The following GRINA variants were observed in gnomAD, a reference collection of about 807,000 sequenced individuals.
The protein encoded by GRINA is glutamate ionotropic receptor NMDA type subunit associated protein 1, also known as protein lifeguard 1.
A neutral mutation model predicts 42.5 loss-of-function variants in GRINA; 26 were observed. The observed-to-expected ratio is 0.61, with a 90% CI of 0.45 to 0.85. The LOEUF (loss-of-function observed/expected upper bound fraction) is 0.85. Ranked by LOEUF, GRINA falls within the 40% of genes least tolerant of loss-of-function variation. The probability of loss-of-function intolerance (pLI) is 0.00; values close to 1 mark genes in which losing one functional copy is unlikely to be tolerated. For synonymous variants in GRINA, 256 were observed against 204.2 expected (o/e 1.25, Z -2.17); for missense variants, 475 against 481.5 (o/e 0.99, Z 0.13).
At chr8:143,992,167 T>C (rs1554750639) in intron 4 of GRINA, 78 bp from the exon 5 acceptor site, 1 of 1,602,050 alleles carries the variant, frequency 6.2e-7, no homozygotes, top group African/African-American at 1.3e-5. Flanking sequence ...GTGGTTCTCC[T>C]TGTGCTCATG....
At position 143,991,504 on chromosome 8, in the gene GRINA, AC is replaced by A; in HGVS notation, c.286del (p.Gln96LysfsTer72). 1 of 1,537,504 alleles carries A rather than the reference AC, an allele frequency of 6.5e-7. No individual in the cohort carries two copies. Among genetic ancestry groups the A allele is most frequent in the Non-Finnish European group, 8.7e-7 (1 of 1,146,628 alleles). On this transcript the variant is annotated frameshift_variant, in exon 2 of 7. Coordinates refer to ENST00000395068, the MANE Select transcript of GRINA (RefSeq NM_001009184.2). LOFTEE classifies it high-confidence loss of function. ...YPQEGYPQGP[Y>X]PQGGYPQGPY... Reference sequence around the variant, plus strand: ...CAAGAGGGCTACCCACAGGGCCCCTACCCCCAAGGGGGCTACCCCCAGGGGC... The same window carrying A: ...CAAGAGGGCTACCCACAGGGCCCCTACCCCAAGGGGGCTACCCCCAGGGGC...
chr8:143,991,370 C>A lies in GRINA; in HGVS notation c.147C>A (p.Pro49=). The A allele has an allele frequency of 1.6e-6, 2 of 1,219,574 alleles. No individual in the cohort carries two copies. Among genetic ancestry groups the A allele is most frequent in the Non-Finnish European group, 2.3e-6 (2 of 874,590 alleles). The allele number at this position is 1,219,574 out of a possible 1,614,324, so 75.5% of individuals were successfully genotyped here. A position where few individuals can be genotyped will look rare whatever the true frequency, so the allele number is the denominator to read the frequency against. The change falls in exon 2 of 7, where the codon CCC becomes CCA. Residue 49 remains proline, a synonymous_variant. Transcript: ENST00000395068. ...CTTACCCACAGCCCCCTTTCCAGCC[C>A]TCCCCCTACGGTCAGCCAGGGTACC... is the stretch of plus-strand genomic sequence containing the variant. ...GAPYPQPPFQ[P]SPYGQPGYPH...
In GRINA at chr8:143,991,595, C is replaced by T. The variant is rs374773416; in HGVS notation, c.372C>T (p.Asp124=). 5.0e-6 allele frequency: 8 copies of T among 1,604,674 alleles called. No homozygotes were observed. The highest frequency in any genetic ancestry group is 6.8e-6 in the Non-Finnish European group (8 of 1,173,248). The change falls in exon 2 of 7, where the codon GAC becomes GAT. Residue 124 remains aspartate, a synonymous_variant. Transcript: ENST00000395068. ...YGQPQVFPGQ[D]PDSPQHGNYQ... ...AGCCACAGGTCTTCCCAGGACAAGA[C>T]CCTGACTGTGAGTCTCAGGAAGGGA...
In GRINA at chr8:143,992,013, T is replaced by C. The variant is rs782052873; in HGVS notation, c.628T>C (p.Ser210Pro). 3 of 1,613,880 alleles carry C rather than the reference T, an allele frequency of 1.9e-6. No individual in the cohort carries two copies. The highest frequency in any genetic ancestry group is 2.5e-6 in the Non-Finnish European group (3 of 1,179,908). Residue 210 changes from serine (S) to proline (P), a missense_variant, in exon 4 of 7, where the codon TCT (serine) becomes CCT (proline). By Grantham distance (74) the Ser-to-Pro change is moderately conservative. Around this residue, in one of 2 missense-constraint regions of GRINA, gnomAD observed 321 missense variants for 267.2 expected, o/e 1.20. Coordinates refer to ENST00000395068, the MANE Select transcript of GRINA (RefSeq NM_001009184.2). ...YYVSYAVFFISLIVLSCCGDF... is the reference protein window; with the variant it reads ...YYVSYAVFFIPLIVLSCCGDF... ...TGTCTCCTATGCTGTCTTCTTCATC[T>C]CTCTCATCGTCCTCAGCTGTTGTGG...
chr8:143,991,183 T>C lies in GRINA; in HGVS notation c.-24-17T>C, dbSNP rs782222565. 2.0e-6 allele frequency: 3 copies of C among 1,480,588 alleles called. No individual in the cohort carries two copies. The highest frequency in any genetic ancestry group is 1.8e-6 in the Non-Finnish European group (2 of 1,102,680). 91.7% of individuals were successfully genotyped at this position (1,480,588 alleles called of 1,614,324 possible). On this transcript the variant is annotated splice_polypyrimidine_tract_variant and intron_variant, in intron 1 of 6. Coordinates refer to ENST00000395068, the MANE Select transcript of GRINA (RefSeq NM_001009184.2). ...GTCAAGCCAACTGTTCCACTGTTCC[T>C]TGTCTGTCTTCTCTAGGGGCGGACC...
At position 143,991,230 on chromosome 8, in the gene GRINA, C is replaced by T. The variant is rs372546355; in HGVS notation, c.7C>T (p.His3Tyr). 1.9e-6 allele frequency: 3 copies of T among 1,579,010 alleles called. No homozygotes were observed. The African/African-American group carries it at 4.1e-5, about 22-fold the overall frequency. Reference sequence around the variant, plus strand: ...GACCGCGGAACCCGAGGCCATGTCCCATGAAAAGAGTTTTTTGGTGTCTGG... The same window carrying T: ...GACCGCGGAACCCGAGGCCATGTCCTATGAAAAGAGTTTTTTGGTGTCTGG... MS[H>Y]EKSFLVSGDN... is the part of the protein sequence containing the mutation. Residue 3 changes from histidine to tyrosine, a missense_variant, in exon 2 of 7, where the codon CAT becomes TAT. Around this residue, in one of 2 missense-constraint regions of GRINA, gnomAD observed 321 missense variants for 267.2 expected, o/e 1.20. Transcript: ENST00000395068.
chr8:143,991,120 G>A, intron 1 of GRINA, 80 bp from the exon 2 acceptor site: 1 of 715,574 alleles, frequency 1.4e-6, no homozygotes. Flanking sequence ...GTTCCCAGAA[G>A]CAGGTGGAGT....
chr8:143,991,456 G>A lies in GRINA; in HGVS notation c.233G>A (p.Gly78Asp), dbSNP rs1180204596. ...GYPQGPYPQG[G>D]YPQGPYPQEG... ...CCACAGGGTCCCTACCCCCAAGGGG[G>A]CTACCCACAGGGCCCCTACCCACAA... The change falls in exon 2 of 7, where the codon GGC becomes GAC. Residue 78 changes from glycine to aspartate, a missense_variant. Transcript: ENST00000395068. 6.7e-7 allele frequency: 1 copy of A among 1,485,842 alleles called. No homozygotes were observed. The highest frequency in any genetic ancestry group is 1.3e-5 in the South Asian group (1 of 74,306). 92.0% of individuals were successfully genotyped at this position (1,485,842 alleles called of 1,614,324 possible).
chr8:143,991,004 C>T, intron 1 of GRINA, 196 bp from the exon 2 acceptor site: 1 of 397,910 alleles, frequency 2.5e-6, no homozygotes, highest in Non-Finnish European at 4.5e-6. Flanking sequence ...CCTGGGAAGG[C>T]CCCACGGCGC....
Position 143,992,608 on chromosome 8 carries a change from C to T in GRINA, c.966C>T (p.Cys322=), listed in dbSNP as rs1564258331. The T allele has an allele frequency of 9.9e-6, 16 of 1,614,132 alleles. No individual in the cohort carries two copies. Among genetic ancestry groups the T allele is most frequent in the South Asian group, 2.2e-5 (2 of 91,084 alleles). The change falls in exon 6 of 7, where the codon TGC becomes TGT. Residue 322 remains cysteine, a splice_region_variant and synonymous_variant. Coordinates refer to ENST00000395068, the MANE Select transcript of GRINA (RefSeq NM_001009184.2). The part of the protein sequence containing the change: ...YASLGALLFT[C]FLAVDTQLLL... ...CACTGGGCGCTCTGCTCTTCACCTG[C>T]GTGAGTGAGGGGTGACCTTGGCCGG...
rs990062071 is a variant in GRINA, at chr8:143,993,016, C to G, written c.*175C>G. ...CACTGCAGATACTTCCATTTGGACC[C>G]GCTGTGGCCACAGCATGGCCCCTTT... On this transcript the variant is annotated 3_prime_UTR_variant, in exon 7 of 7. Coordinates refer to ENST00000395068, the MANE Select transcript of GRINA (RefSeq NM_001009184.2). 8.1e-6 allele frequency: 5 copies of G among 614,746 alleles called. No individual in the cohort carries two copies. Among genetic ancestry groups the G allele is most frequent in the Non-Finnish European group, 8.5e-6 (3 of 353,224 alleles). 38.1% of individuals were successfully genotyped at this position (614,746 alleles called of 1,614,324 possible). A position where few individuals can be genotyped will look rare whatever the true frequency, so the allele number is the denominator to read the frequency against.
At position 143,992,269 on chromosome 8, in the gene GRINA, T is replaced by C; in HGVS notation, c.718T>C (p.Tyr240His). 1 of 1,600,580 alleles carries C rather than the reference T, an allele frequency of 6.2e-7. No individual in the cohort carries two copies. Among genetic ancestry groups the C allele is most frequent in the Non-Finnish European group, 8.5e-7 (1 of 1,172,018 alleles). Residue 240 changes from tyrosine to histidine, a missense_variant, in exon 5 of 7, where the codon TAC becomes CAC. Transcript: ENST00000395068. ...GTCGGTCCTGACCGCCAGCCTGTCG[T>C]ACATGGTGGGGATGATCGCCAGCTT... ...ALSVLTASLS[Y>H]MVGMIASFYN...
At position 143,991,296 on chromosome 8, in the gene GRINA, C is replaced by A; in HGVS notation, c.73C>A (p.Pro25Thr). 7.0e-7 allele frequency: 1 copy of A among 1,429,600 alleles called. No individual in the cohort carries two copies. The highest frequency in any genetic ancestry group is 9.5e-7 in the Non-Finnish European group (1 of 1,052,174). The allele number at this position is 1,429,600 out of a possible 1,614,324, so 88.6% of individuals were successfully genotyped here. A position where few individuals can be genotyped will look rare whatever the true frequency, so the allele number is the denominator to read the frequency against. The change falls in exon 2 of 7, where the codon CCC becomes ACC. Residue 25 changes from proline to threonine, a missense_variant. By Grantham distance (38) the Pro-to-Thr change is conservative. Around this residue, in one of 2 missense-constraint regions of GRINA, gnomAD observed 321 missense variants for 267.2 expected, o/e 1.20. Transcript: ENST00000395068. ...PPPNPGYPGG[P>T]QPPMPPYAQP... Reference sequence around the variant, plus strand: ...CCCCAACCCTGGATATCCGGGGGGGCCCCAGCCACCCATGCCCCCCTATGC... The same window carrying A: ...CCCCAACCCTGGATATCCGGGGGGGACCCAGCCACCCATGCCCCCCTATGC...
rs782051621 is a variant in GRINA at position 143,991,294 on chromosome 8, G to A, written c.71G>A (p.Gly24Glu). Residue 24 changes from glycine (G) to glutamate (E), a missense_variant, in exon 2 of 7, where the codon GGG (glycine) becomes GAG (glutamate). Around this residue, in one of 2 missense-constraint regions of GRINA, gnomAD observed 321 missense variants for 267.2 expected, o/e 1.20. Coordinates refer to ENST00000395068, the MANE Select transcript of GRINA (RefSeq NM_001009184.2). ...CCCCCCAACCCTGGATATCCGGGGG[G>A]GCCCCAGCCACCCATGCCCCCCTAT... ...YPPPNPGYPG[G>E]PQPPMPPYAQ... 7 of 1,477,558 alleles carry A rather than the reference G, an allele frequency of 4.7e-6. No homozygotes were observed. In the Admixed American group the frequency reaches 8.8e-5, roughly 18 times the overall value. The allele number at this position is 1,477,558 out of a possible 1,614,324, so 91.5% of individuals were successfully genotyped here. A position where few individuals can be genotyped will look rare whatever the true frequency, so the allele number is the denominator to read the frequency against.
At position 143,991,437 on chromosome 8, in the gene GRINA, G is replaced by A. The variant is rs992349130; in HGVS notation, c.214G>A (p.Gly72Ser). The change falls in exon 2 of 7, where the codon GGT becomes AGT. Residue 72 changes from glycine (G) to serine (S), a missense_variant. Gly to Ser is a moderately conservative substitution (Grantham distance 56). Coordinates refer to ENST00000395068, the MANE Select transcript of GRINA (RefSeq NM_001009184.2). ...CTACCCCCAAGGGGGCTACCCACAG[G>A]GTCCCTACCCCCAAGGGGGCTACCC... ...SPYPQGGYPQ[G>S]PYPQGGYPQG... 1 of 1,453,140 alleles carries A rather than the reference G, an allele frequency of 6.9e-7. No individual in the cohort carries two copies. The highest frequency in any genetic ancestry group is 2.5e-5 in the East Asian group (1 of 40,186). 90.0% of individuals were successfully genotyped at this position (1,453,140 alleles called of 1,614,324 possible). A position where few individuals can be genotyped will look rare whatever the true frequency, so the allele number is the denominator to read the frequency against.
rs370949108 is a variant in GRINA, at chr8:143,992,531, G to A, written c.889G>A (p.Ala297Thr). The A allele has an allele frequency of 8.7e-6, 14 of 1,613,994 alleles. No individual in the cohort carries two copies. Among genetic ancestry groups the A allele is most frequent in the African/African-American group, 4.0e-5 (3 of 74,924 alleles). The change falls in exon 6 of 7, where the codon GCC (alanine) becomes ACC (threonine). Residue 297 changes from alanine to threonine, a missense_variant. Around this residue, in one of 2 missense-constraint regions of GRINA, gnomAD observed 154 missense variants for 214.2 expected, o/e 0.72. Transcript: ENST00000395068. ...GAGCATGGTGGTGCTCTTCATCTTC[G>A]CCATTCTCTGCATCTTCATCCGGAA... ...LVSMVVLFIF[A>T]ILCIFIRNRI...
At chr8:143,991,024 G>T in intron 1 of GRINA, 176 bp from the exon 2 acceptor site, 1 of 419,370 alleles carries the variant, frequency 2.4e-6, no homozygotes. Flanking sequence ...CCGCCCGTCC[G>T]GTCCTCACGC....
At position 143,991,545 on chromosome 8, in the gene GRINA, C is replaced by A; in HGVS notation, c.322C>A (p.Pro108Thr). 1 of 1,559,702 alleles carries A rather than the reference C, an allele frequency of 6.4e-7. No individual in the cohort carries two copies. The highest frequency in any genetic ancestry group is 2.2e-5 in the East Asian group (1 of 44,446). ...CCCCCAGGGGCCATATCCCCAGAGC[C>A]CCTTCCCCCCCAACCCCTATGGACA... Reference protein sequence around the residue: ...GYPQGPYPQSPFPPNPYGQPQ... With the variant: ...GYPQGPYPQSTFPPNPYGQPQ... Residue 108 changes from proline (P) to threonine (T), a missense_variant, in exon 2 of 7, where the codon CCC becomes ACC. By Grantham distance (38) the Pro-to-Thr change is conservative. Transcript: ENST00000395068.
chr8:143,992,376 G>A lies in GRINA; in HGVS notation c.822+3G>A. ...CCGTCGTCATCTTCTCCATGCAGGTGAGGGGCCTCCCGTGGCTGGGCTGTG... is the reference window on the plus strand; with the variant it reads ...CCGTCGTCATCTTCTCCATGCAGGTAAGGGGCCTCCCGTGGCTGGGCTGTG... On this transcript the variant is annotated splice_donor_region_variant and intron_variant, in intron 5 of 6. Coordinates refer to ENST00000395068, the MANE Select transcript of GRINA (RefSeq NM_001009184.2). The A allele has an allele frequency of 2.5e-6, 4 of 1,606,484 alleles. No homozygotes were observed. The highest frequency in any genetic ancestry group is 1.1e-5 in the South Asian group (1 of 90,600).
Sources: gnomAD v4.1 joint callset for allele counts on GRCh38, gnomAD v4.1.1 for gene constraint, gnomAD v4.1.1 regional missense constraint, MANE v1.5 for transcripts, NCBI Gene and HGNC (gene_info 2026-07-23, HGNC 2026-07-21) for gene names.